The following WDR49 variants were observed in gnomAD, a reference collection of about 807,000 sequenced individuals.
The protein encoded by WDR49 is WD repeat domain 49.
In WDR49, 107 loss-of-function variants were observed where a neutral mutation model predicts 119.5. The ratio of observed to expected loss-of-function variants is 0.90; its 90% CI spans 0.77 to 1.05. The LOEUF (loss-of-function observed/expected upper bound fraction) is 1.05, where lower values mean the gene tolerates loss of function less well. Ranked by LOEUF, WDR49 falls within the 50% of genes least tolerant of loss-of-function variation. WDR49 has a pLI of 0.00. For missense variants in WDR49, 1,240 were observed against 1,220.5 expected (o/e 1.02, Z -0.24); for synonymous variants, 425 against 418.8 (o/e 1.01, Z -0.18).
In WDR49 at chr3:167,581,735, A is replaced by G. The variant is rs77482770; in HGVS notation, c.1276-5584T>C. Among the ~76,000 whole-genome samples, 1,037 of 152,332 alleles carry G rather than the reference A, an allele frequency of 6.8e-3. 55 individuals carry two copies. In the East Asian group the frequency reaches 0.13, roughly 20 times the overall value. On this transcript the variant is annotated intron_variant, in intron 7 of 18. Coordinates refer to ENST00000682715, the MANE Select transcript of WDR49 (RefSeq NM_001366157.1). ...AGTAGATAACTTCACAGATATAGGT[A>G]GGGGTATAAATAGATGTGTGAATGG...
intron 9 of WDR49, among the ~76,000 whole-genome samples, chr3:167,559,405 G>A (rs936687105): frequency 6.6e-6 from 1 of 152,018 alleles, no homozygotes; most frequent in Non-Finnish European, 1.5e-5. Flanking sequence ...TTCACTGGTG[G>A]GCATGACTTC....
intron 5 of WDR49, among the ~76,000 whole-genome samples, chr3:167,617,985 G>A (rs1331758063): frequency 6.6e-6 from 1 of 152,186 alleles, no homozygotes; most frequent in East Asian, 1.9e-4. Flanking sequence ...GACGTTTCAC[G>A]GCCAATATCT....
intron 7 of WDR49, among the ~76,000 whole-genome samples, chr3:167,580,816 C>T (rs1714492308): frequency 6.6e-6 from 1 of 152,076 alleles, no homozygotes; most frequent in African/African-American, 2.4e-5. Flanking sequence ...AGAATTAAAC[C>T]ACAGTTCAGA....
At chr3:167,520,931 A>G (rs748151651) in intron 16 of WDR49, among the ~76,000 whole-genome samples, 3 of 152,002 alleles carry the variant, frequency 2.0e-5, no homozygotes, top group Non-Finnish European at 4.4e-5. Flanking sequence ...GGAGGGGAGG[A>G]AAGCTTTTCT....
chr3:167,480,498 TC>T (rs934731404), intron 18 of WDR49, among the ~76,000 whole-genome samples: 1 of 152,146 alleles, frequency 6.6e-6, no homozygotes, highest in African/African-American at 2.4e-5. Context: ...ACAAAAACTT[TC>T]CACTTCCAGT....
At chr3:167,549,023 C>T (rs1430888688) in intron 10 of WDR49, among the ~76,000 whole-genome samples, 3 of 152,172 alleles carry the variant, frequency 2.0e-5, no homozygotes, top group Non-Finnish European at 4.4e-5. Flanking sequence ...GACATGAACT[C>T]ATCCTTTTTT....
intron 16 of WDR49, 88 bp downstream of exon 16, chr3:167,522,227 A>C (rs1445170368): frequency 1.5e-6 from 2 of 1,342,820 alleles, no homozygotes; most frequent in Non-Finnish European, 2.0e-6. Flanking sequence ...TGAACATTCC[A>C]CAGAGGACAC....
chr3:167,584,618 TACAA>T (rs1364135148), intron 7 of WDR49, among the ~76,000 whole-genome samples: 2 of 152,076 alleles, frequency 1.3e-5, no homozygotes, highest in African/African-American at 4.8e-5. Flanking sequence ...ATAAAGCATA[TACAA>T]ACAAATTCAT....
In WDR49 at chr3:167,520,595, G is replaced by A. The variant is rs541223642; in HGVS notation, c.2774+1720C>T. ...ACATTTCTGCAAGCCATAATTCAAG[G>A]AAATGGAAGAACAAATACCAAAGTA... is the stretch of plus-strand genomic sequence containing the variant. On this transcript the variant is annotated intron_variant, in intron 16 of 18. Coordinates refer to ENST00000682715, the MANE Select transcript of WDR49 (RefSeq NM_001366157.1). Among the ~76,000 whole-genome samples the A allele has an allele frequency of 1.6e-4, 25 of 152,246 alleles. 1 individual carries two copies. In the South Asian group the frequency reaches 5.2e-3, roughly 32 times the overall value.
chr3:167,570,890 G>T (rs1208187387), intron 8 of WDR49, among the ~76,000 whole-genome samples: 6 of 152,024 alleles, frequency 3.9e-5, no homozygotes, highest in African/African-American at 1.5e-4. Flanking sequence ...GTGAAAAGTA[G>T]CCGGGCATGG....
intron 17 of WDR49, 119 bp downstream of exon 17, chr3:167,505,188 C>T: frequency 1.6e-6 from 2 of 1,220,260 alleles, no homozygotes; most frequent in Non-Finnish European, 2.1e-6. Flanking sequence ...GTTCACAGAA[C>T]ATTACATTCA....
intron 8 of WDR49, among the ~76,000 whole-genome samples, chr3:167,573,089 G>A (rs1390898064): frequency 6.6e-6 from 1 of 152,092 alleles, no homozygotes; most frequent in Non-Finnish European, 1.5e-5. Flanking sequence ...CGCCCTCTTT[G>A]GTATGGGGGA....
At chr3:167,526,548 T>C (rs1422446386) in intron 15 of WDR49, among the ~76,000 whole-genome samples, 1 of 152,148 alleles carries the variant, frequency 6.6e-6, no homozygotes, top group East Asian at 1.9e-4. Flanking sequence ...GTCTCACTCA[T>C]CACAAGCCTG....
At chr3:167,646,640 CT>C (rs1242308430) in intron 2 of WDR49, among the ~76,000 whole-genome samples, 1 of 152,152 alleles carries the variant, frequency 6.6e-6, no homozygotes, top group Non-Finnish European at 1.5e-5. Context: ...GAAATTCTTA[CT>C]TTATTTAAAT....
intron 16 of WDR49, 130 bp from the exon 17 acceptor site, chr3:167,505,546 T>C: frequency 8.0e-7 from 1 of 1,250,568 alleles, no homozygotes; most frequent in Non-Finnish European, 1.0e-6. Context: ...TGAACCGAAG[T>C]AGTGATATTT....
intron 5 of WDR49, among the ~76,000 whole-genome samples, chr3:167,617,100 T>A (rs528464342): frequency 3.3e-4 from 50 of 152,176 alleles, no homozygotes; most frequent in African/African-American, 1.2e-3. Flanking sequence ...ATGCCAAAAT[T>A]GAGAACCTTG....
chr3:167,602,973 A>G (rs190193452), intron 6 of WDR49, among the ~76,000 whole-genome samples: 82 of 152,282 alleles, frequency 5.4e-4, no homozygotes, highest in African/African-American at 1.9e-3. Context: ...AGGCTACACC[A>G]TCTCTTTGTG....
At position 167,620,612 on chromosome 3, in the gene WDR49, A is replaced by G. The variant is rs1243227686; in HGVS notation, c.784-9T>C. On this transcript the variant is annotated splice_polypyrimidine_tract_variant and intron_variant, in intron 4 of 18. Transcript: ENST00000682715. ...AAAGCAATTGCTTGAACCTTGACAG[A>G]GACATTGAAAGAACAACAATCGTGG... 6.6e-7 allele frequency: 1 copy of G among 1,522,572 alleles called. No individual in the cohort carries two copies. Among genetic ancestry groups the G allele is most frequent in the South Asian group, 1.2e-5 (1 of 82,348 alleles). The allele number at this position is 1,522,572 out of a possible 1,614,324, so 94.3% of individuals were successfully genotyped here. A position where few individuals can be genotyped will look rare whatever the true frequency, so the allele number is the denominator to read the frequency against.
intron 5 of WDR49, among the ~76,000 whole-genome samples, chr3:167,611,021 A>T (rs74394331): frequency 6.6e-6 from 1 of 152,224 alleles, no homozygotes; most frequent in Non-Finnish European, 1.5e-5. Context: ...ACTGGTAATG[A>T]TAAGTGCACA....
Sources: gnomAD v4.1 joint callset for allele counts (sites outside exome capture counted in the v4.1 genomes callset) on GRCh38, gnomAD v4.1.1 for gene constraint, MANE v1.5 for transcripts, NCBI Gene and HGNC (gene_info 2026-07-23, HGNC 2026-07-21) for gene names.